The following RAPGEF6 variants were observed in gnomAD, a reference collection of about 807,000 sequenced individuals.
RAPGEF6 encodes Rap guanine nucleotide exchange factor 6, also known as PDZ domain containing guanine nucleotide exchange factor (GEF) 2.
In RAPGEF6, 56 loss-of-function variants were observed where a neutral mutation model predicts 171.4. The observed-to-expected ratio is 0.33, with a 90% CI of 0.26 to 0.41. The LOEUF (loss-of-function observed/expected upper bound fraction) is 0.41. Ranked by LOEUF, RAPGEF6 falls within the 10% of genes least tolerant of loss-of-function variation. The pLI is 1.00. For missense variants in RAPGEF6, 1,674 were observed against 1,921.4 expected (o/e 0.87, Z 2.41); for synonymous variants, 692 against 650.1 (o/e 1.06, Z -0.98).
chr5:131,568,789 T>G (rs1762100540), intron 4 of RAPGEF6, among the ~76,000 whole-genome samples: 1 of 152,012 alleles, frequency 6.6e-6, no homozygotes, highest in African/African-American at 2.4e-5. Flanking sequence ...AAGAAAGAAA[T>G]GAAACTATGT....
At position 131,526,729 on chromosome 5, in the gene RAPGEF6, T is replaced by C. The variant is rs144692848; in HGVS notation, c.496-5208A>G. On this transcript the variant is annotated intron_variant, in intron 6 of 27. Coordinates refer to ENST00000509018, the MANE Select transcript of RAPGEF6 (RefSeq NM_016340.6). ...CAAACTCAATTCATTTACCCCATTG[T>C]CCTTCCAGCCCACCAGGTCTGACAA... Among the ~76,000 whole-genome samples, 1,498 of 152,288 alleles carry C rather than the reference T, an allele frequency of 9.8e-3. 55 individuals carry two copies. Among genetic ancestry groups the C allele is most frequent in the Admixed American group, 0.07 (1,064 of 15,286 alleles).
intron 15 of RAPGEF6, among the ~76,000 whole-genome samples, chr5:131,486,303 A>T (rs1755884014): frequency 6.6e-6 from 1 of 152,220 alleles, no homozygotes; most frequent in Admixed American, 6.5e-5. Context: ...AAAGGCTTTG[A>T]CACATCCAGA....
At position 131,442,542 on chromosome 5, in the gene RAPGEF6, C is replaced by G. The variant is rs755742455; in HGVS notation, c.3422-5G>C. 3.1e-6 allele frequency: 5 copies of G among 1,613,268 alleles called. No homozygotes were observed. In the South Asian group the frequency reaches 5.5e-5, roughly 18 times the overall value. ...TCTCACTTAAATTCTTGGTCACTAACAGGAGAGAGTAAGAAATAAGTAACT... is the reference window on the plus strand; with the variant it reads ...TCTCACTTAAATTCTTGGTCACTAAGAGGAGAGAGTAAGAAATAAGTAACT... On this transcript the variant is annotated splice_polypyrimidine_tract_variant and splice_region_variant and intron_variant, in intron 22 of 27. Coordinates refer to ENST00000509018, the MANE Select transcript of RAPGEF6 (RefSeq NM_016340.6).
intron 4 of RAPGEF6, among the ~76,000 whole-genome samples, chr5:131,567,628 A>G (rs930225931): frequency 6.6e-6 from 1 of 152,174 alleles, no homozygotes; most frequent in African/African-American, 2.4e-5. Context: ...ATTCCTTTCA[A>G]TGTAATGAGA....
rs905623859 is a variant in RAPGEF6 at position 131,445,765 on chromosome 5, C to T, written c.3421+718G>A. On this transcript the variant is annotated intron_variant, in intron 22 of 27. Coordinates refer to ENST00000509018, the MANE Select transcript of RAPGEF6 (RefSeq NM_016340.6). ...ATTTTTTTTTGTAGAGATGGGGTCT[C>T]TTTGAGTTGCCAAGGCTGGCCTCAA... is the stretch of plus-strand genomic sequence containing the variant. Among the ~76,000 whole-genome samples the T allele has an allele frequency of 3.1e-4, 47 of 152,144 alleles. 1 individual carries two copies. Among genetic ancestry groups the T allele is most frequent in the Middle Eastern group, 6.8e-3 (2 of 294 alleles).
chr5:131,444,474 T>G (rs1444325945), intron 22 of RAPGEF6, among the ~76,000 whole-genome samples: 1 of 152,230 alleles, frequency 6.6e-6, no homozygotes, highest in Non-Finnish European at 1.5e-5. Flanking sequence ...ATATTCTAAT[T>G]AATTGGGAAG....
chr5:131,515,037 TCTGATG>T (rs1446466494), intron 7 of RAPGEF6, among the ~76,000 whole-genome samples: 1 of 152,210 alleles, frequency 6.6e-6, no homozygotes, highest in Non-Finnish European at 1.5e-5. Flanking sequence ...GAGGTGATTT[TCTGATG>T]ACTCGGCCTT....
intron 11 of RAPGEF6, among the ~76,000 whole-genome samples, chr5:131,500,096 A>G (rs1316623018): frequency 4.6e-5 from 7 of 152,108 alleles, no homozygotes; most frequent in Non-Finnish European, 1.0e-4. Context: ...ACGGGGTTTC[A>G]CCATGTTGGT....
At chr5:131,432,610 C>T (rs1452899717) in intron 25 of RAPGEF6, among the ~76,000 whole-genome samples, 1 of 151,714 alleles carries the variant, frequency 6.6e-6, no homozygotes, top group Non-Finnish European at 1.5e-5. Context: ...AAGAGTGACA[C>T]TCTGTCTCAC....
At chr5:131,599,746 T>G (rs1580652877) in intron 3 of RAPGEF6, among the ~76,000 whole-genome samples, 1 of 152,214 alleles carries the variant, frequency 6.6e-6, no homozygotes, top group African/African-American at 2.4e-5. Flanking sequence ...AAGAGGCTGG[T>G]GGTGATATTA....
intron 1 of RAPGEF6, among the ~76,000 whole-genome samples, chr5:131,627,715 G>A (rs1766024556): frequency 9.2e-5 from 14 of 152,170 alleles, no homozygotes; most frequent in Admixed American, 7.2e-4. Flanking sequence ...GGTATTGTGG[G>A]GTTGTTTTCT....
intron 22 of RAPGEF6, among the ~76,000 whole-genome samples, chr5:131,445,341 CTTTCT>C (rs1218539999): frequency 1.3e-5 from 2 of 152,100 alleles, no homozygotes; most frequent in African/African-American, 4.8e-5. Context: ...GTTTTCTATT[CTTTCT>C]TTTGACATAC....
At chr5:131,580,469 G>T (rs1762885459) in intron 4 of RAPGEF6, among the ~76,000 whole-genome samples, 8 of 152,114 alleles carry the variant, frequency 5.3e-5, no homozygotes, top group Admixed American at 5.2e-4. Context: ...AGCCAGCCCT[G>T]AGAGGGGCTC....
Position 131,536,587 on chromosome 5 carries a change from T to C in RAPGEF6, c.495+11460A>G, listed in dbSNP as rs117754355. Among the ~76,000 whole-genome samples the C allele has an allele frequency of 2.1e-3, 320 of 152,188 alleles. 6 individuals carry two copies. The East Asian group carries it at 0.059, about 28-fold the overall frequency. On this transcript the variant is annotated intron_variant, in intron 6 of 27. Coordinates refer to ENST00000509018, the MANE Select transcript of RAPGEF6 (RefSeq NM_016340.6). ...GACACACATGCACTATGAAATATGATCCACCCTTAGGGAGTAATAGAGGAA... is the reference window on the plus strand; with the variant it reads ...GACACACATGCACTATGAAATATGACCCACCCTTAGGGAGTAATAGAGGAA...
chr5:131,509,175 G>A (rs1398231287), intron 8 of RAPGEF6, among the ~76,000 whole-genome samples: 1 of 152,124 alleles, frequency 6.6e-6, no homozygotes, highest in Non-Finnish European at 1.5e-5. Flanking sequence ...AACATCTTTA[G>A]TATCATTCAA....
chr5:131,516,917 C>T (rs1758123634), intron 7 of RAPGEF6, among the ~76,000 whole-genome samples: 1 of 152,022 alleles, frequency 6.6e-6, no homozygotes, highest in South Asian at 2.1e-4. Flanking sequence ...ATTTTTAGAC[C>T]AGAAGACATG....
At chr5:131,444,530 G>A (rs771455805) in intron 22 of RAPGEF6, among the ~76,000 whole-genome samples, 19 of 152,202 alleles carry the variant, frequency 1.2e-4, no homozygotes, top group African/African-American at 3.4e-4. Flanking sequence ...TTTGGGCTTC[G>A]GATAGTGACT....
chr5:131,476,818 C>G (rs1484331445), intron 16 of RAPGEF6, among the ~76,000 whole-genome samples: 1 of 152,198 alleles, frequency 6.6e-6, no homozygotes, highest in Non-Finnish European at 1.5e-5. Flanking sequence ...AGGCGTGAGG[C>G]ACCGTGCCCA....
chr5:131,559,543 G>A (rs947217668), intron 5 of RAPGEF6, among the ~76,000 whole-genome samples: 1 of 152,020 alleles, frequency 6.6e-6, no homozygotes, highest in Non-Finnish European at 1.5e-5. Context: ...TATACTTTGG[G>A]CCAGGCATGG....
Sources: allele counts gnomAD v4.1 joint callset (sites outside exome capture counted in the v4.1 genomes callset), GRCh38; gene constraint gnomAD v4.1.1; transcripts MANE v1.5; gene names NCBI Gene and HGNC (gene_info 2026-07-23, HGNC 2026-07-21).